The following RANBP10 variants were observed in gnomAD, a reference collection of about 807,000 sequenced individuals.
The protein encoded by RANBP10 is RAN binding protein 10.
Under a neutral mutation model 72.8 loss-of-function variants are expected in RANBP10, and 24 were observed. The observed-to-expected ratio is 0.33, with a 90% confidence interval of 0.24 to 0.46. The LOEUF (loss-of-function observed/expected upper bound fraction) is 0.46. Ranked by LOEUF, RANBP10 falls within the 20% of genes least tolerant of loss-of-function variation. The probability of loss-of-function intolerance (pLI) is 1.00; values close to 1 mark genes in which losing one functional copy is unlikely to be tolerated. For synonymous variants in RANBP10, 310 were observed against 322.3 expected (o/e 0.96, Z 0.41); for missense variants, 679 against 817.5 (o/e 0.83, Z 2.07).
In RANBP10 at chr16:67,729,376, G is replaced by A. The variant is rs751217717; in HGVS notation, c.1256C>T (p.Ser419Leu). 1.9e-5 allele frequency: 29 copies of A among 1,542,978 alleles called. No individual in the cohort carries two copies. Among genetic ancestry groups the A allele is most frequent in the Middle Eastern group, 1.8e-4 (1 of 5,558 alleles). ...ATTGACGGAGGATGGGGAAGAGGAC[G>A]AGGAGGAGGAGGAGGACGAGGATGA... ...SSSSSSSSSS[S>L]SSSPSSVNYS... is the part of the protein sequence containing the mutation. Residue 419 changes from serine (S) to leucine (L), a missense_variant, in exon 10 of 14, where the codon TCG (serine) becomes TTG (leucine). Transcript: ENST00000317506. The surrounding 1 kb of genome is among the most constrained non-coding windows in gnomAD (Gnocchi z 7.1).
At chr16:67,756,741 A>C (rs185713536) in intron 3 of RANBP10, among the ~76,000 whole-genome samples, 1 of 152,134 alleles carries the variant, frequency 6.6e-6, no homozygotes, top group East Asian at 1.9e-4. Flanking sequence ...ACACCCCAAA[A>C]AGCTAGCCTG....
chr16:67,743,701 G>A (rs2054013186), intron 4 of RANBP10, among the ~76,000 whole-genome samples: 1 of 152,076 alleles, frequency 6.6e-6, no homozygotes, highest in Non-Finnish European at 1.5e-5. Flanking sequence ...CCTTTGTCCT[G>A]CACCCATCCC....
intron 4 of RANBP10, among the ~76,000 whole-genome samples, chr16:67,740,540 G>A (rs1014598485): frequency 1.3e-5 from 2 of 152,100 alleles, no homozygotes; most frequent in Non-Finnish European, 2.9e-5. Flanking sequence ...AAATAGAACA[G>A]GGTCTATTCT....
intron 3 of RANBP10, 125 bp downstream of exon 3, chr16:67,771,909 G>C (rs2054613609): frequency 1.8e-6 from 2 of 1,103,280 alleles, no homozygotes; most frequent in Non-Finnish European, 2.6e-6. Context: ...CCTCCAACCA[G>C]TAGCATGGCT....
At chr16:67,764,265 A>G (rs1055986949) in intron 3 of RANBP10, among the ~76,000 whole-genome samples, 5 of 152,208 alleles carry the variant, frequency 3.3e-5, no homozygotes, top group African/African-American at 1.2e-4. Context: ...CCGAGGGCTC[A>G]TAAAAGGCTA....
chr16:67,766,437 G>C (rs1313732735), intron 3 of RANBP10, among the ~76,000 whole-genome samples: 2 of 152,174 alleles, frequency 1.3e-5, no homozygotes, highest in Non-Finnish European at 2.9e-5. Flanking sequence ...AATGGAGCCT[G>C]GTGGGTGGGA....
intron 3 of RANBP10, among the ~76,000 whole-genome samples, chr16:67,770,498 A>G (rs1452793977): frequency 6.6e-6 from 1 of 152,146 alleles, no homozygotes; most frequent in African/African-American, 2.4e-5. Flanking sequence ...GTCTGAGTGT[A>G]ACTCCCTGTT....
rs1276943880 is a variant in RANBP10 at position 67,744,445 on chromosome 16, T to C, written c.411A>G (p.Lys137=). The change falls in exon 4 of 14, where the codon AAA becomes AAG. Residue 137 remains lysine, a synonymous_variant. Coordinates refer to ENST00000317506, the MANE Select transcript of RANBP10 (RefSeq NM_020850.3). ...CATCACCATGGTAACCATAGGAATG[T>C]TTGTCCCAACCTGTGGGGGAAGAGA... ...VNMNRLPGWD[K]HSYGYHGDDG... 1.9e-6 allele frequency: 3 copies of C among 1,613,182 alleles called. No individual in the cohort carries two copies. Among genetic ancestry groups the C allele is most frequent in the Non-Finnish European group, 2.5e-6 (3 of 1,179,472 alleles).
At chr16:67,777,921 T>C (rs963040606) in intron 2 of RANBP10, among the ~76,000 whole-genome samples, 1 of 152,162 alleles carries the variant, frequency 6.6e-6, no homozygotes, top group Non-Finnish European at 1.5e-5. Context: ...GTCCAAGGAA[T>C]AGAATAGAGA....
rs187630855 is a variant in RANBP10, at chr16:67,749,897, A to G, written c.401-5442T>C. The stretch of plus-strand genomic sequence containing the variant: ...GTCTAGCTCAGACTGTGGTGGCCCC[A>G]GGCATGCCCACCAGCTTGCCCTGAC... On this transcript the variant is annotated intron_variant, in intron 3 of 13. Transcript: ENST00000317506. Among the ~76,000 whole-genome samples, 30 of 152,288 alleles carry G rather than the reference A, an allele frequency of 2.0e-4. No individual in the cohort carries two copies. The East Asian group carries it at 5.8e-3, about 29-fold the overall frequency.
chr16:67,784,375 G>A (rs1374358981), intron 2 of RANBP10, among the ~76,000 whole-genome samples: 1 of 152,164 alleles, frequency 6.6e-6, no homozygotes, highest in African/African-American at 2.4e-5. Flanking sequence ...TACAAAATTA[G>A]GCCAGGCCTG....
chr16:67,725,127 G>C lies in RANBP10; in HGVS notation c.*1301C>G, dbSNP rs1403824060. ...CAGCTGGTGGGACATGTGTAAAGCT[G>C]ATAGAGTCCCATTCTCTGGCCAGCA... On this transcript the variant is annotated 3_prime_UTR_variant, in exon 14 of 14. Transcript: ENST00000317506. 6.5e-6 allele frequency: 1 copy of C among 152,710 alleles called. No individual in the cohort carries two copies. Among genetic ancestry groups the C allele is most frequent in the Non-Finnish European group, 1.5e-5 (1 of 68,078 alleles). 9.5% of individuals were successfully genotyped at this position (152,710 alleles called of 1,614,324 possible).
At chr16:67,741,835 G>T (rs1206896054) in intron 4 of RANBP10, among the ~76,000 whole-genome samples, 8 of 152,198 alleles carry the variant, frequency 5.3e-5, no homozygotes, top group Non-Finnish European at 1.0e-4. Context: ...TCATTCCGCT[G>T]CTGTAAAGTG....
At chr16:67,727,656 C>A in intron 12 of RANBP10, 95 bp downstream of exon 12, 1 of 1,571,784 alleles carries the variant, frequency 6.4e-7, no homozygotes, top group South Asian at 1.1e-5. Flanking sequence ...GGCTGGAGCC[C>A]ACTCTTTCCT....
At chr16:67,798,524 C>A (rs959985190) in intron 2 of RANBP10, among the ~76,000 whole-genome samples, 1 of 152,168 alleles carries the variant, frequency 6.6e-6, no homozygotes, top group South Asian at 2.1e-4. Context: ...TTCTGGCTCA[C>A]CAGAGGAGAT....
At chr16:67,784,938 G>A (rs868592482) in intron 2 of RANBP10, among the ~76,000 whole-genome samples, 13 of 152,030 alleles carry the variant, frequency 8.6e-5, no homozygotes, top group East Asian at 3.9e-4. Flanking sequence ...GGCTGGGTGC[G>A]GTGGCTCACG....
intron 4 of RANBP10, 93 bp downstream of exon 4, chr16:67,744,195 G>T: frequency 2.0e-6 from 3 of 1,530,700 alleles, no homozygotes; most frequent in Admixed American, 4.0e-5. Context: ...GAGCTCAGCA[G>T]AGGCGACACT....
At chr16:67,799,784 T>G (rs1230500493) in intron 2 of RANBP10, among the ~76,000 whole-genome samples, 1 of 151,900 alleles carries the variant, frequency 6.6e-6, no homozygotes, top group East Asian at 1.9e-4. Flanking sequence ...GCCTGACCCT[T>G]CGACACCACC....
intron 6 of RANBP10, among the ~76,000 whole-genome samples, chr16:67,734,061 C>T (rs2053790259): frequency 6.6e-6 from 1 of 152,184 alleles, no homozygotes; most frequent in African/African-American, 2.4e-5. Context: ...CCTGCCTCAG[C>T]CCATCCTTGG....
Sources: allele counts gnomAD v4.1 joint callset (sites outside exome capture counted in the v4.1 genomes callset), GRCh38; gene constraint gnomAD v4.1.1; non-coding constraint Gnocchi (gnomAD v3.1); transcripts MANE v1.5; gene names NCBI Gene and HGNC (gene_info 2026-07-23, HGNC 2026-07-21).